Variants in ACACB observed in about 807,000 individuals in gnomAD.
ACACB encodes the protein acetyl-CoA carboxylase beta.
In ACACB, 209 loss-of-function variants were observed where a neutral mutation model predicts 278.8. The observed-to-expected ratio is 0.75, with a 90% CI of 0.67 to 0.84. The LOEUF (loss-of-function observed/expected upper bound fraction) is 0.84, where lower values mean the gene tolerates loss of function less well. ACACB is among the 40% of genes least tolerant of loss of function. The pLI, the probability that ACACB is intolerant of heterozygous loss-of-function variation, is 0.00. For synonymous variants in ACACB, 1,174 were observed against 1,285.6 expected (o/e 0.91, Z 1.86); for missense variants, 2,850 against 3,269.0 (o/e 0.87, Z 3.13).
chr12:109,163,220 C>G (rs142554599), intron 2 of ACACB, among the ~76,000 whole-genome samples: 218 of 152,264 alleles, frequency 1.4e-3, no homozygotes, highest in African/African-American at 4.8e-3. Context: ...CCACTGCACC[C>G]GGCCCTGAGG....
At chr12:109,162,322 T>C (rs1475211402) in intron 2 of ACACB, among the ~76,000 whole-genome samples, 1 of 152,024 alleles carries the variant, frequency 6.6e-6, no homozygotes, top group Middle Eastern at 3.2e-3. Flanking sequence ...GAATGAGTGG[T>C]CACTGGCTTA....
chr12:109,142,207 C>A (rs1445147022), intron 2 of ACACB, among the ~76,000 whole-genome samples: 1 of 152,040 alleles, frequency 6.6e-6, no homozygotes, highest in Non-Finnish European at 1.5e-5. Flanking sequence ...TATAATTGTG[C>A]CACTGCACTC....
rs751757015 is a variant in ACACB at position 109,166,924 on chromosome 12, C to T, written c.717C>T (p.His239=). 1 of 1,614,064 alleles carries T rather than the reference C, an allele frequency of 6.2e-7. No homozygotes were observed. The highest frequency in any genetic ancestry group is 2.2e-5 in the East Asian group (1 of 44,854). ...GGGAACACAAGAAGCTGGACCTGCA[C>T]AGAGACTTTACCGTGGCTTCTCCCG... The part of the protein sequence containing the change: ...RGREHKKLDL[H]RDFTVASPAE... Residue 239 remains histidine (H), a synonymous_variant, in exon 3 of 53, where the codon CAC becomes CAT. Transcript: ENST00000338432.
At chr12:109,172,393 G>A in intron 6 of ACACB, 37 bp downstream of exon 6, 1 of 1,589,226 alleles carries the variant, frequency 6.3e-7, no homozygotes, top group Non-Finnish European at 8.6e-7. Context: ...GGGAATTGGG[G>A]TATTGCTGGG....
intron 42 of ACACB, 163 bp downstream of exon 42, chr12:109,252,319 T>C (rs1283391651): frequency 2.0e-6 from 1 of 492,328 alleles, no homozygotes; most frequent in Non-Finnish European, 3.5e-6. Context: ...TGGGTCCTTA[T>C]GAGAAAAAAA....
Position 109,209,373 on chromosome 12 carries a change from G to T in ACACB, c.3249+20G>T. The T allele has an allele frequency of 1.3e-6, 2 of 1,595,622 alleles. No homozygotes were observed. Among genetic ancestry groups the T allele is most frequent in the Non-Finnish European group, 1.7e-6 (2 of 1,169,844 alleles). ...CAGCAGGTGCGTGCTCCCCTGCCCA[G>T]CCCCACCCCACCAGGATGGTCACAC... On this transcript the variant is annotated intron_variant, in intron 21 of 52. Coordinates refer to ENST00000338432, the MANE Select transcript of ACACB (RefSeq NM_001093.4).
chr12:109,219,019 G>A (rs148460300), intron 24 of ACACB, among the ~76,000 whole-genome samples: 2,026 of 151,824 alleles, frequency 0.013, 23 homozygotes, highest in African/African-American at 0.03. Context: ...CACCAGCCTC[G>A]GCCTCCCAAA....
chr12:109,193,211 T>C (rs1307897931), intron 15 of ACACB, among the ~76,000 whole-genome samples: 1 of 121,414 alleles, frequency 8.2e-6, no homozygotes, highest in Non-Finnish European at 1.6e-5. Flanking sequence ...TTTAATCAGA[T>C]TTAGCCTTTT....
chr12:109,221,579 C>T (rs2046161107), intron 24 of ACACB, among the ~76,000 whole-genome samples: 1 of 152,170 alleles, frequency 6.6e-6, no homozygotes, highest in Non-Finnish European at 1.5e-5. Flanking sequence ...AAGATTCAAC[C>T]CCACGTCCCT....
At chr12:109,233,494 G>A (rs746352855) in intron 29 of ACACB, among the ~76,000 whole-genome samples, 6 of 152,184 alleles carry the variant, frequency 3.9e-5, no homozygotes, top group South Asian at 2.1e-4. Context: ...GCCTGAAAGC[G>A]CTGGAATCCT....
At chr12:109,127,518 C>T (rs2042710099) in intron 1 of ACACB, among the ~76,000 whole-genome samples, 1 of 151,636 alleles carries the variant, frequency 6.6e-6, no homozygotes, top group Admixed American at 6.6e-5. Context: ...AGGATGGCTT[C>T]AGCCTGGGAG....
intron 2 of ACACB, among the ~76,000 whole-genome samples, chr12:109,140,446 C>G (rs540305129): frequency 6.6e-6 from 1 of 152,096 alleles, no homozygotes; most frequent in Non-Finnish European, 1.5e-5. Context: ...CACTTGAGGT[C>G]GGGAGTTTAA....
At position 109,234,507 on chromosome 12, in the gene ACACB, T is replaced by C. The variant is rs1332668370; in HGVS notation, c.4347+462T>C. ...ACCCTGTCTCAAAAAAAATTATATA[T>C]ATTTACAGTATACAATGTGATATTT... On this transcript the variant is annotated intron_variant, in intron 31 of 52. Transcript: ENST00000338432. Among the ~76,000 whole-genome samples, 3 of 152,244 alleles carry C rather than the reference T, an allele frequency of 2.0e-5. No individual in the cohort carries two copies. The East Asian group carries it at 5.8e-4, about 29-fold the overall frequency.
intron 44 of ACACB, among the ~76,000 whole-genome samples, chr12:109,254,967 G>A (rs1317723975): frequency 6.6e-6 from 1 of 152,028 alleles, no homozygotes; most frequent in Non-Finnish European, 1.5e-5. Context: ...TAGAGGCGGA[G>A]TTTCACCATG....
At chr12:109,195,360 G>A (rs2045082592) in intron 16 of ACACB, among the ~76,000 whole-genome samples, 2 of 152,168 alleles carry the variant, frequency 1.3e-5, no homozygotes, top group Admixed American at 6.5e-5. Flanking sequence ...TCACAACTTT[G>A]GAGATTTGGG....
intron 2 of ACACB, among the ~76,000 whole-genome samples, chr12:109,156,349 G>A (rs1165744333): frequency 6.6e-6 from 1 of 152,094 alleles, no homozygotes; most frequent in Non-Finnish European, 1.5e-5. Context: ...GGGCAACATA[G>A]TGAGACCCCC....
At chr12:109,219,058 C>T (rs370563774) in intron 24 of ACACB, among the ~76,000 whole-genome samples, 14 of 152,112 alleles carry the variant, frequency 9.2e-5, no homozygotes, top group Admixed American at 2.6e-4. Flanking sequence ...TGAGCCACCA[C>T]GCCCGGCCTG....
rs2045716645 is a variant in ACACB at position 109,210,193 on chromosome 12, GTATATGTATATATGTATA to G, written c.3249+845_3249+862del. On this transcript the variant is annotated intron_variant, in intron 21 of 52. Transcript: ENST00000338432. The stretch of plus-strand genomic sequence containing the variant: ...TATATATGTATATATACACACGTGT[GTATATGTATATATGTATA>G]TATACACACATGTGTGTATATGTAT... Among the ~76,000 whole-genome samples, 4 of 24,568 alleles carry G rather than the reference GTATATGTATATATGTATA, an allele frequency of 1.6e-4. 1 individual carries two copies. The highest frequency in any genetic ancestry group is 6.3e-4 in the African/African-American group (4 of 6,310). The allele number at this position is 24,568 out of a possible 152,430, so 16.1% of individuals were successfully genotyped here. A position where few individuals can be genotyped will look rare whatever the true frequency, so the allele number is the denominator to read the frequency against.
intron 7 of ACACB, among the ~76,000 whole-genome samples, chr12:109,174,535 C>G (rs7301145): frequency 0.75 from 111,165 of 149,116 alleles, 42,420 homozygotes; most frequent in Middle Eastern, 0.88. Flanking sequence ...CTTTTTCTGG[C>G]CATATTCTTT....
Sources: gnomAD v4.1 joint callset for allele counts (sites outside exome capture counted in the v4.1 genomes callset) on GRCh38, gnomAD v4.1.1 for gene constraint, MANE v1.5 for transcripts, NCBI Gene and HGNC (gene_info 2026-07-23, HGNC 2026-07-21) for gene names.